STARD13: variants seen among roughly 807,000 people sequenced by gnomAD.
STARD13 encodes the protein stAR-related lipid transfer protein 13.
In STARD13, 62 loss-of-function variants were observed where a neutral mutation model predicts 106.4. That is an observed-to-expected ratio of 0.58 (90% confidence interval 0.48 to 0.72). The LOEUF (loss-of-function observed/expected upper bound fraction) is 0.72, where lower values mean the gene tolerates loss of function less well. Among genes scored for constraint, STARD13 ranks in the 30% least tolerant of loss-of-function variants. The pLI, the probability that STARD13 is intolerant of heterozygous loss-of-function variation, is 0.00. For synonymous variants in STARD13, 565 were observed against 553.0 expected (o/e 1.02, Z -0.31); for missense variants, 1,387 against 1,424.0 (o/e 0.97, Z 0.42).
At chr13:33,290,502 A>G (rs1338436956), upstream of STARD13, among the ~76,000 whole-genome samples, 1 of 152,218 alleles carries the variant, frequency 6.6e-6, no homozygotes, top group Non-Finnish European at 1.5e-5. Context: ...TGACACTAAC[A>G]CTGGCAGCTT....
the STARD13 span, among the ~76,000 whole-genome samples, chr13:33,356,285 G>A: frequency 1.3e-5 from 2 of 152,146 alleles, no homozygotes; most frequent in South Asian, 2.1e-4. Context: ...ACACAACCTC[G>A]CATTAGCATA....
chr13:33,526,298 T>C, the STARD13 span, among the ~76,000 whole-genome samples: 668 of 152,234 alleles, frequency 4.4e-3, 5 homozygotes, highest in Non-Finnish European at 6.5e-3. Flanking sequence ...GCCATATTCA[T>C]TTATGCCCTG....
At chr13:33,393,915 A>G in the STARD13 span, among the ~76,000 whole-genome samples, 2 of 152,204 alleles carry the variant, frequency 1.3e-5, no homozygotes, top group Admixed American at 6.5e-5. Flanking sequence ...TTCCTCTAAA[A>G]TGATCTTTCT....
chr13:33,282,095 C>G (rs1891816028), intron 1 of STARD13, among the ~76,000 whole-genome samples: 1 of 152,160 alleles, frequency 6.6e-6, no homozygotes, highest in Admixed American at 6.5e-5. Flanking sequence ...CTCCTATCCA[C>G]TCCCAAGCGC....
At chr13:33,301,741 T>C (rs1052644292) in intron 1 of STARD13, among the ~76,000 whole-genome samples, 23 of 151,978 alleles carry the variant, frequency 1.5e-4, no homozygotes, top group African/African-American at 5.6e-4. Flanking sequence ...CTAATATTTT[T>C]GTATTTTTGG....
chr13:33,421,523 G>C, the STARD13 span, among the ~76,000 whole-genome samples: 2 of 152,128 alleles, frequency 1.3e-5, no homozygotes, highest in Admixed American at 6.5e-5. Context: ...GGTACAAAGA[G>C]GAGCTGTTAC....
intron 1 of STARD13, among the ~76,000 whole-genome samples, chr13:33,302,715 T>C (rs554975244): frequency 6.6e-6 from 1 of 152,332 alleles, no homozygotes; most frequent in East Asian, 1.9e-4. Context: ...CTTTATCTCA[T>C]CTAATTCTAC....
At chr13:33,408,110 C>T in the STARD13 span, among the ~76,000 whole-genome samples, 1 of 152,088 alleles carries the variant, frequency 6.6e-6, no homozygotes, top group Non-Finnish European at 1.5e-5. Flanking sequence ...TAGTAGTATG[C>T]AGGTGAATCC....
chr13:33,135,378 G>A (rs1224748147), intron 4 of STARD13, among the ~76,000 whole-genome samples: 3 of 152,210 alleles, frequency 2.0e-5, no homozygotes, highest in South Asian at 4.1e-4. Flanking sequence ...CAGTCTGGGT[G>A]TAGTCAAATT....
chr13:33,139,788 A>C (rs1460218043), intron 4 of STARD13, among the ~76,000 whole-genome samples: 1 of 152,156 alleles, frequency 6.6e-6, no homozygotes, highest in East Asian at 1.9e-4. Context: ...AAGGGATTAA[A>C]TAAAGTCTAT....
chr13:33,671,360 C>T, the STARD13 span, among the ~76,000 whole-genome samples: 2 of 152,216 alleles, frequency 1.3e-5, no homozygotes, highest in African/African-American at 4.8e-5. Flanking sequence ...CATTGGCTAG[C>T]CCTTCTTGAA....
the STARD13 span, among the ~76,000 whole-genome samples, chr13:33,568,144 T>A: frequency 6.7e-6 from 1 of 148,160 alleles, no homozygotes; most frequent in Non-Finnish European, 1.5e-5. Flanking sequence ...CCCTGAGAAG[T>A]AGTTCCTTCT....
chr13:33,566,535 T>C, the STARD13 span, among the ~76,000 whole-genome samples: 17 of 148,388 alleles, frequency 1.1e-4, no homozygotes, highest in African/African-American at 3.5e-4. Flanking sequence ...ATAATCATAG[T>C]ACTTCATCTT....
intron 3 of STARD13, among the ~76,000 whole-genome samples, chr13:33,153,257 C>T (rs768430466): frequency 1.3e-5 from 2 of 152,204 alleles, no homozygotes; most frequent in Non-Finnish European, 2.9e-5. Flanking sequence ...ATGCCATCCC[C>T]ACTGTTGAGC....
At chr13:33,439,530 A>C in the STARD13 span, among the ~76,000 whole-genome samples, 1 of 152,270 alleles carries the variant, frequency 6.6e-6, no homozygotes, top group African/African-American at 2.4e-5. Context: ...CCAATTTTCA[A>C]AATGCAGGTC....
chr13:33,431,552 G>T, the STARD13 span, among the ~76,000 whole-genome samples: 1 of 152,116 alleles, frequency 6.6e-6, no homozygotes, highest in Admixed American at 6.5e-5. Context: ...TCGAATCATG[G>T]GAAAAATTTT....
chr13:33,648,707 A>C, the STARD13 span, among the ~76,000 whole-genome samples: 5 of 151,978 alleles, frequency 3.3e-5, no homozygotes, highest in African/African-American at 1.2e-4. Context: ...GCTTTCCCCA[A>C]ATCACAGCTA....
At chr13:33,347,174 G>T (rs1203748274), downstream of STARD13, among the ~76,000 whole-genome samples, 1 of 152,212 alleles carries the variant, frequency 6.6e-6, no homozygotes, top group Non-Finnish European at 1.5e-5. Context: ...AGTCAATGAT[G>T]AACTGGACTG....
chr13:33,669,072 A>T, the STARD13 span, among the ~76,000 whole-genome samples: 797 of 152,268 alleles, frequency 5.2e-3, 7 homozygotes, highest in African/African-American at 0.018. Flanking sequence ...CACAATGTAA[A>T]CTTGTGCTCT....
Sources: gnomAD v4.1 joint callset for allele counts (sites outside exome capture counted in the v4.1 genomes callset) on GRCh38, gnomAD v4.1.1 for gene constraint, MANE v1.5 for transcripts, NCBI Gene and HGNC (gene_info 2026-07-23, HGNC 2026-07-21) for gene names.